The following IRAG2 variants were observed in gnomAD, a reference collection of about 807,000 sequenced individuals.
IRAG2 encodes lymphoid restricted membrane protein.
In IRAG2, 45 loss-of-function variants were observed where a neutral mutation model predicts 69.9. That is an observed-to-expected ratio of 0.64 (90% confidence interval 0.51 to 0.83). The LOEUF is 0.83. IRAG2 is among the 40% of genes least tolerant of loss of function. IRAG2 has a pLI of 0.00. For synonymous variants in IRAG2, 193 were observed against 202.4 expected, an observed-to-expected ratio of 0.95 and a Z score of 0.40; for missense variants, 520 against 587.0, an observed-to-expected ratio of 0.89 and a Z score of 1.18.
At chr12:25,100,038 T>G (rs1037616073) in intron 15 of IRAG2, among the ~76,000 whole-genome samples, 9 of 103,340 alleles carry the variant, frequency 8.7e-5, no homozygotes, top group Non-Finnish European at 1.5e-4. Context: ...GGCAAAAGAC[T>G]TCAATAGACA....
At chr12:25,075,524 G>A (rs956781109) in intron 6 of IRAG2, among the ~76,000 whole-genome samples, 38 of 98,378 alleles carry the variant, frequency 3.9e-4, no homozygotes, top group African/African-American at 1.6e-3. Flanking sequence ...GTGTATGCGT[G>A]TGTGTGTGTG....
At chr12:25,079,545 G>C in intron 8 of IRAG2, 83 bp downstream of exon 8, 1 of 1,349,636 alleles carries the variant, frequency 7.4e-7, no homozygotes, top group East Asian at 2.3e-5. Context: ...GCTGGGGTGT[G>C]AGCAAATGAG....
At chr12:25,066,293 A>T (rs1408652437) in intron 4 of IRAG2, 72 bp from the exon 5 acceptor site, 14 of 399,546 alleles carry the variant, frequency 3.5e-5, no homozygotes, top group Admixed American at 8.8e-5. Context: ...TCAAGAAGGA[A>T]AGACTTTATG....
intron 1 of IRAG2, among the ~76,000 whole-genome samples, chr12:25,053,183 T>C (rs1051785802): frequency 1.3e-5 from 2 of 152,004 alleles, no homozygotes; most frequent in African/African-American, 4.8e-5. Context: ...TATTATAAGC[T>C]GGTTTTGTCT....
chr12:25,058,636 A>G (rs536180209), intron 1 of IRAG2, among the ~76,000 whole-genome samples: 6 of 152,330 alleles, frequency 3.9e-5, no homozygotes, highest in Admixed American at 1.3e-4. Context: ...CGGCTCTAAT[A>G]ATGTTATAAT....
rs1226464943 is a variant in IRAG2 at position 25,095,319 on chromosome 12, T to G, written c.607-1591T>G. On this transcript the variant is annotated intron_variant, in intron 14 of 21. Transcript: ENST00000556887. ...TGTGTGGTTTTTTGCATCTTTTTGT[T>G]AGTATTCCTAGTTTTTGTGTTTTTT... Among the ~76,000 whole-genome samples the G allele has an allele frequency of 3.3e-5, 5 of 152,262 alleles. No individual in the cohort carries two copies. In the East Asian group the frequency reaches 9.6e-4, roughly 29 times the overall value.
In IRAG2 at chr12:25,009,909, T is replaced by C. The variant is rs146752630; in HGVS notation, c.689-1435T>C. Among the ~76,000 whole-genome samples the C allele has an allele frequency of 9.5e-4, 145 of 152,340 alleles. No individual in the cohort carries two copies. In the Middle Eastern group the frequency reaches 0.01, roughly 11 times the overall value. ...TGTTTGTTCTATTCAGGCCTTCAAC[T>C]GGTTGGATGAGGCCCACCTGCACTA... On this transcript the variant is annotated intron_variant, in intron 2 of 38. Transcript: ENST00000636465.
intron 9 of IRAG2, among the ~76,000 whole-genome samples, chr12:25,082,060 A>T (rs948229749): frequency 2.0e-5 from 3 of 152,074 alleles, no homozygotes; most frequent in African/African-American, 7.2e-5. Context: ...ACATTTGACT[A>T]ATTAAAAAAA....
rs1277441276 is a variant in IRAG2 at position 25,096,918 on chromosome 12, AC to A, written c.617del (p.Pro206LeufsTer20). The stretch of plus-strand genomic sequence containing the variant: ...TGCTGTTTTCTATACAGTCTTTAAC[AC>A]CTCTGTGTGAAGATGACAACCAGGC... ...NCLKLLESLT[P>X]LCEDDNQAQE... On this transcript the variant is annotated frameshift_variant, in exon 15 of 22. Transcript: ENST00000556887. LOFTEE classifies it high-confidence loss of function. The A allele has an allele frequency of 6.2e-7, 1 of 1,612,188 alleles. No individual in the cohort carries two copies. The highest frequency in any genetic ancestry group is 1.7e-5 in the Admixed American group (1 of 59,492).
upstream of IRAG2, among the ~76,000 whole-genome samples, chr12:25,050,692 C>T (rs578162792): frequency 9.2e-5 from 14 of 152,240 alleles, no homozygotes; most frequent in South Asian, 2.1e-4. Flanking sequence ...ATATTCACTG[C>T]GGCATTATTC....
At chr12:25,039,126 A>G (rs949247853) in intron 16 of IRAG2, among the ~76,000 whole-genome samples, 2 of 152,232 alleles carry the variant, frequency 1.3e-5, no homozygotes, top group African/African-American at 2.4e-5. Flanking sequence ...GCACTTACTT[A>G]AGAAATGCTT....
intron 20 of IRAG2, 130 bp from the exon 21 acceptor site, chr12:25,106,813 A>G (rs1280862762): frequency 2.7e-6 from 1 of 372,944 alleles, no homozygotes; most frequent in Non-Finnish European, 4.9e-6. Flanking sequence ...TTAGATATTT[A>G]TCGACTTTCC....
chr12:25,102,409 T>G, intron 17 of IRAG2, 168 bp downstream of exon 17: 1 of 604,256 alleles, frequency 1.7e-6, no homozygotes, highest in Non-Finnish European at 2.9e-6. Flanking sequence ...TATATTTTTG[T>G]ATCAATTAAG....
chr12:25,043,613 G>A (rs150416217), intron 16 of IRAG2, among the ~76,000 whole-genome samples: 1 of 151,946 alleles, frequency 6.6e-6, no homozygotes, highest in African/African-American at 2.4e-5. Context: ...TACCTGTCTC[G>A]GAGTACTATG....
intron 15 of IRAG2, among the ~76,000 whole-genome samples, chr12:25,099,350 T>G (rs906433727): frequency 6.6e-6 from 1 of 152,150 alleles, no homozygotes; most frequent in Non-Finnish European, 1.5e-5. Context: ...CAGGCCAAAA[T>G]AGGGGCAGAG....
At chr12:25,008,414 AAACATAGTG>A (rs1220618861) in intron 2 of IRAG2, among the ~76,000 whole-genome samples, 1 of 152,052 alleles carries the variant, frequency 6.6e-6, no homozygotes, top group Non-Finnish European at 1.5e-5. Flanking sequence ...CTACCCTGGG[AAACATAGTG>A]AAACCATGTC....
upstream of IRAG2, among the ~76,000 whole-genome samples, chr12:25,049,857 C>T (rs1210288926): frequency 6.6e-6 from 1 of 151,852 alleles, no homozygotes; most frequent in African/African-American, 2.4e-5. Flanking sequence ...GTGGCAGGCG[C>T]CTGTAGTCCT....
At chr12:25,084,341 G>A (rs1947427213) in intron 10 of IRAG2, among the ~76,000 whole-genome samples, 1 of 152,028 alleles carries the variant, frequency 6.6e-6, no homozygotes, top group South Asian at 2.1e-4. Context: ...AGTGAGCAAT[G>A]AGCATGCCAC....
At chr12:25,002,645 TTTTC>T (rs1317699384), upstream of IRAG2, among the ~76,000 whole-genome samples, 5 of 135,752 alleles carry the variant, frequency 3.7e-5, no homozygotes, top group East Asian at 2.2e-4. Context: ...CTTCTTCTTC[TTTTC>T]TTTTTTTTTT....
Sources: allele counts gnomAD v4.1 joint callset (sites outside exome capture counted in the v4.1 genomes callset), GRCh38; gene constraint gnomAD v4.1.1; transcripts MANE v1.5; gene names NCBI Gene and HGNC (gene_info 2026-07-23, HGNC 2026-07-21).